Variants in ALX4 observed in about 807,000 individuals in gnomAD.
ALX4 encodes ALX homeobox 4.
In ALX4, 22 loss-of-function variants were observed where a neutral mutation model predicts 40.6. That is an observed-to-expected ratio of 0.54 (90% CI 0.39 to 0.77). The LOEUF is 0.77. ALX4 is among the 30% of genes least tolerant of loss of function. ALX4 has a pLI of 0.00. For synonymous variants in ALX4, 266 were observed against 240.5 expected (o/e 1.11, Z -0.98); for missense variants, 556 against 564.8 (o/e 0.98, Z 0.16).
chr11:44,276,979 C>A (rs1463399179), intron 1 of ALX4, among the ~76,000 whole-genome samples: 1 of 152,110 alleles, frequency 6.6e-6, no homozygotes, highest in African/African-American at 2.4e-5. Context: ...GGGCTAAGGA[C>A]CCCTGGTTTA....
chr11:44,299,020 G>T lies in ALX4; in HGVS notation c.466+10577C>A, dbSNP rs182410974. Among the ~76,000 whole-genome samples, 286 of 152,234 alleles carry T rather than the reference G, an allele frequency of 1.9e-3. 1 individual carries two copies. The highest frequency in any genetic ancestry group is 6.9e-3 in the Middle Eastern group (2 of 290). On this transcript the variant is annotated intron_variant, in intron 1 of 3. Transcript: ENST00000652299. ...CTAGCTCCAGGCTCTGGGGAAAGTT[G>T]GAATCAAAACAGACAAAGCCTCCTG...
intron 1 of ALX4, among the ~76,000 whole-genome samples, chr11:44,291,990 T>C (rs1295086827): frequency 6.6e-6 from 1 of 152,050 alleles, no homozygotes; most frequent in Non-Finnish European, 1.5e-5. Flanking sequence ...GGCTAATTTT[T>C]GTACTTTTAG....
chr11:44,309,367 T>A (rs1333296318), intron 1 of ALX4, among the ~76,000 whole-genome samples: 1 of 152,042 alleles, frequency 6.6e-6, no homozygotes, highest in African/African-American at 2.4e-5. Flanking sequence ...AAAAACAAAC[T>A]CCAAGTCGAG....
At chr11:44,306,224 T>C (rs950994428) in intron 1 of ALX4, among the ~76,000 whole-genome samples, 1 of 152,230 alleles carries the variant, frequency 6.6e-6, no homozygotes, top group African/African-American at 2.4e-5. Context: ...GGAGCCGCCT[T>C]AATCGTCGTT....
At chr11:44,293,075 G>T (rs1381023356) in intron 1 of ALX4, among the ~76,000 whole-genome samples, 1 of 148,740 alleles carries the variant, frequency 6.7e-6, no homozygotes, top group African/African-American at 2.5e-5. Flanking sequence ...TTCCAGCCTG[G>T]GTGATAGTGA....
At chr11:44,265,493 C>G (rs538563907) in intron 3 of ALX4, among the ~76,000 whole-genome samples, 10 of 152,254 alleles carry the variant, frequency 6.6e-5, no homozygotes, top group Admixed American at 5.2e-4. Flanking sequence ...TTTTTAGACT[C>G]AACTGTAGAC....
At chr11:44,307,601 G>A (rs1956476648) in intron 1 of ALX4, among the ~76,000 whole-genome samples, 1 of 152,234 alleles carries the variant, frequency 6.6e-6, no homozygotes, top group African/African-American at 2.4e-5. Flanking sequence ...ATGCAGTGGA[G>A]AGAGAGCATG....
At chr11:44,265,447 A>G (rs1445414925) in intron 3 of ALX4, among the ~76,000 whole-genome samples, 1 of 152,138 alleles carries the variant, frequency 6.6e-6, no homozygotes, top group Non-Finnish European at 1.5e-5. Context: ...GTCCAGTGGA[A>G]GGGTGACACC....
At chr11:44,305,489 A>G (rs900975842) in intron 1 of ALX4, among the ~76,000 whole-genome samples, 1 of 152,210 alleles carries the variant, frequency 6.6e-6, no homozygotes, top group Non-Finnish European at 1.5e-5. Flanking sequence ...ATCACCCCAC[A>G]GTCACCCACA....
intron 2 of ALX4, 37 bp from the exon 3 acceptor site, chr11:44,267,659 G>A (rs747971557): frequency 3.7e-6 from 6 of 1,613,560 alleles, no homozygotes; most frequent in Non-Finnish European, 5.1e-6. Flanking sequence ...ACCAGGGTGA[G>A]ATGCCCGCCT....
intron 1 of ALX4, among the ~76,000 whole-genome samples, chr11:44,284,562 C>A (rs1465890342): frequency 6.6e-6 from 1 of 152,200 alleles, no homozygotes; most frequent in South Asian, 2.1e-4. Flanking sequence ...AATCTGCCAA[C>A]CCTGTACATC....
intron 1 of ALX4, among the ~76,000 whole-genome samples, chr11:44,305,486 C>T (rs561449171): frequency 6.6e-6 from 1 of 152,356 alleles, no homozygotes; most frequent in South Asian, 2.1e-4. Context: ...GCGATCACCC[C>T]ACAGTCACCC....
At position 44,264,355 on chromosome 11, in the gene ALX4, A is replaced by C; in HGVS notation, c.*499T>G. On this transcript the variant is annotated 3_prime_UTR_variant, in exon 4 of 4. Coordinates refer to ENST00000652299, the MANE Select transcript of ALX4 (RefSeq NM_021926.4). ...GGATTCCGTGTGCTTTCAGGGAGAG[A>C]AAGATGGGAGGGCAGGAGGCTGGCT... is the stretch of plus-strand genomic sequence containing the variant. 1 of 165,258 alleles carries C rather than the reference A, an allele frequency of 6.1e-6. No individual in the cohort carries two copies. The highest frequency in any genetic ancestry group is 5.9e-5 in the Admixed American group (1 of 16,960). The allele number at this position is 165,258 out of a possible 1,614,324, so 10.2% of individuals were successfully genotyped here. A position where few individuals can be genotyped will look rare whatever the true frequency, so the allele number is the denominator to read the frequency against.
chr11:44,265,263 C>T (rs1441937506), intron 3 of ALX4, 80 bp from the exon 4 acceptor site: 8 of 1,297,408 alleles, frequency 6.2e-6, no homozygotes, highest in Admixed American at 2.6e-5. Context: ...CCCAGAGCAC[C>T]TCTCCCCTCA....
chr11:44,305,710 C>T (rs1423386026), intron 1 of ALX4, among the ~76,000 whole-genome samples: 3 of 152,240 alleles, frequency 2.0e-5, no homozygotes. Context: ...GGGACTGGGC[C>T]CCTAGGCGGC....
In ALX4 at chr11:44,309,632, C is replaced by T; in HGVS notation, c.431G>A (p.Ser144Asn). The part of the protein sequence containing the change: ...DGSLKLQEGS[S>N]GHSAALQVPC... ...AACCTGCAAGGCCGCGCTGTGGCCG[C>T]TGCTGCCTTCCTGGAGTTTGAGGCT... The change falls in exon 1 of 4, where the codon AGC becomes AAC. Residue 144 changes from serine (S) to asparagine (N), a missense_variant. Coordinates refer to ENST00000652299, the MANE Select transcript of ALX4 (RefSeq NM_021926.4). The T allele has an allele frequency of 6.3e-7, 1 of 1,591,558 alleles. No homozygotes were observed. Among genetic ancestry groups the T allele is most frequent in the Non-Finnish European group, 8.5e-7 (1 of 1,176,044 alleles).
intron 1 of ALX4, among the ~76,000 whole-genome samples, chr11:44,307,975 G>A (rs145121869): frequency 6.6e-6 from 1 of 152,092 alleles, no homozygotes; most frequent in African/African-American, 2.4e-5. Context: ...TGGAGCTGTG[G>A]GTGTCTGTGT....
chr11:44,273,046 T>C (rs1253386049), intron 2 of ALX4, among the ~76,000 whole-genome samples: 1 of 152,226 alleles, frequency 6.6e-6, no homozygotes, highest in African/African-American at 2.4e-5. Flanking sequence ...AATCTTTTAC[T>C]GATGCCTTAG....
chr11:44,291,670 T>G (rs1464283823), intron 1 of ALX4, among the ~76,000 whole-genome samples: 3 of 152,054 alleles, frequency 2.0e-5, no homozygotes, highest in African/African-American at 7.2e-5. Flanking sequence ...CCTCCCGAAG[T>G]GCTAGGATTA....
Sources: gnomAD v4.1 joint callset for allele counts (sites outside exome capture counted in the v4.1 genomes callset) on GRCh38, gnomAD v4.1.1 for gene constraint, MANE v1.5 for transcripts, NCBI Gene and HGNC (gene_info 2026-07-23, HGNC 2026-07-21) for gene names.